The following CDK14 variants were observed in gnomAD, a reference collection of about 807,000 sequenced individuals.
CDK14 encodes the protein cyclin-dependent kinase 14.
In CDK14, 34 loss-of-function variants were observed where a neutral mutation model predicts 60.7. That is an observed-to-expected ratio of 0.56 (90% CI 0.43 to 0.75). The LOEUF (loss-of-function observed/expected upper bound fraction) is 0.75, where lower values mean the gene tolerates loss of function less well. Among genes scored for constraint, CDK14 ranks in the 30% least tolerant of loss-of-function variants. The pLI is 0.00. For synonymous variants in CDK14, 197 were observed against 203.7 expected (o/e 0.97, Z 0.28); for missense variants, 482 against 564.1 (o/e 0.85, Z 1.47).
intron 14 of CDK14, among the ~76,000 whole-genome samples, chr7:91,137,616 GCACA>G (rs57544816): frequency 3.0e-3 from 450 of 151,866 alleles, no homozygotes; most frequent in Non-Finnish European, 5.1e-3. Context: ...CATGCACTGT[GCACA>G]CACACACGCA....
rs138818659 is a variant in CDK14, at chr7:91,185,118, C to T, written c.*29-22047C>T. Among the ~76,000 whole-genome samples, 1,014 of 144,782 alleles carry T rather than the reference C, an allele frequency of 7.0e-3. 4 individuals carry two copies. Among genetic ancestry groups the T allele is most frequent in the Admixed American group, 0.012 (165 of 14,202 alleles). The allele number at this position is 144,782 out of a possible 152,430, so 95.0% of individuals were successfully genotyped here. A position where few individuals can be genotyped will look rare whatever the true frequency, so the allele number is the denominator to read the frequency against. The stretch of plus-strand genomic sequence containing the variant: ...CTGTTTATTGAGTATCTCGTATGTC[C>T]CAGACATAATTCTAGACCCGGGGGA... On this transcript the variant is annotated intron_variant, in intron 14 of 14. Transcript: ENST00000380050.
At chr7:91,203,659 A>G (rs1374492742) in intron 14 of CDK14, among the ~76,000 whole-genome samples, 1 of 152,208 alleles carries the variant, frequency 6.6e-6, no homozygotes, top group African/African-American at 2.4e-5. Context: ...TAAAGCTCCC[A>G]TTTAGCTGGA....
intron 14 of CDK14, among the ~76,000 whole-genome samples, chr7:91,185,770 A>C (rs1802157698): frequency 6.6e-6 from 1 of 151,790 alleles, no homozygotes; most frequent in African/African-American, 2.4e-5. Flanking sequence ...TAAATACTTT[A>C]AGTTTAAAGC....
chr7:90,683,009 C>T (rs930613907), intron 2 of CDK14, among the ~76,000 whole-genome samples: 8 of 152,066 alleles, frequency 5.3e-5, no homozygotes, highest in African/African-American at 1.7e-4. Context: ...AGGTGTTAGT[C>T]GATTTCTTTA....
chr7:90,998,151 G>A (rs987705839), intron 10 of CDK14, among the ~76,000 whole-genome samples: 5 of 152,116 alleles, frequency 3.3e-5, no homozygotes, highest in African/African-American at 1.2e-4. Flanking sequence ...TAACTTGAAT[G>A]ACATTTTAAC....
intron 14 of CDK14, among the ~76,000 whole-genome samples, chr7:91,175,874 C>T (rs1801728330): frequency 1.4e-5 from 2 of 146,058 alleles, no homozygotes; most frequent in East Asian, 4.0e-4. Flanking sequence ...ACTTTAACAC[C>T]CCACTGTCAA....
chr7:90,706,302 G>C (rs1801893558), intron 2 of CDK14, among the ~76,000 whole-genome samples: 1 of 152,068 alleles, frequency 6.6e-6, no homozygotes, highest in Non-Finnish European at 1.5e-5. Flanking sequence ...AGTCAGACTT[G>C]GTGTCTACAT....
intron 8 of CDK14, among the ~76,000 whole-genome samples, chr7:90,921,284 T>A (rs904552503): frequency 6.6e-6 from 1 of 152,156 alleles, no homozygotes; most frequent in African/African-American, 2.4e-5. Flanking sequence ...TTGCTTGGGA[T>A]GCTCGTCCTT....
intron 4 of CDK14, among the ~76,000 whole-genome samples, chr7:90,765,693 G>A (rs181917970): frequency 6.6e-6 from 1 of 151,660 alleles, no homozygotes; most frequent in African/African-American, 2.4e-5. Flanking sequence ...AAAAAATGTA[G>A]GGTAAAATAC....
At chr7:90,952,243 C>T (rs1028545453) in intron 8 of CDK14, among the ~76,000 whole-genome samples, 11 of 152,160 alleles carry the variant, frequency 7.2e-5, no homozygotes, top group East Asian at 1.9e-4. Flanking sequence ...GGGAAAATGT[C>T]GGGAGCACTG....
At chr7:90,713,892 A>G (rs1170357734) in intron 2 of CDK14, among the ~76,000 whole-genome samples, 1 of 152,082 alleles carries the variant, frequency 6.6e-6, no homozygotes, top group African/African-American at 2.4e-5. Flanking sequence ...AAATTGAGAT[A>G]ATACTAGTCA....
chr7:90,922,423 T>G (rs1793279955), intron 8 of CDK14, among the ~76,000 whole-genome samples: 1 of 148,682 alleles, frequency 6.7e-6, no homozygotes, highest in Non-Finnish European at 1.5e-5. Context: ...AAAGAAAGGG[T>G]TTTTTTTTTC....
intron 4 of CDK14, among the ~76,000 whole-genome samples, chr7:90,788,747 A>G (rs1805705192): frequency 6.6e-6 from 1 of 152,188 alleles, no homozygotes; most frequent in Non-Finnish European, 1.5e-5. Context: ...TGTAGGTTTA[A>G]AAAAGAGACA....
chr7:90,691,518 A>G (rs1166632464), intron 2 of CDK14, among the ~76,000 whole-genome samples: 1 of 152,186 alleles, frequency 6.6e-6, no homozygotes, highest in Admixed American at 6.5e-5. Flanking sequence ...AGTAGTAGGA[A>G]TTTTTCAGAA....
chr7:91,203,193 G>A (rs562326052), intron 14 of CDK14, among the ~76,000 whole-genome samples: 85 of 152,288 alleles, frequency 5.6e-4, no homozygotes, highest in African/African-American at 2.0e-3. Flanking sequence ...GGCTGGTGGT[G>A]TATCTGTGAA....
chr7:90,791,524 G>A (rs758364358), intron 5 of CDK14, among the ~76,000 whole-genome samples: 22 of 152,082 alleles, frequency 1.4e-4, no homozygotes, highest in Non-Finnish European at 2.5e-4. Flanking sequence ...AACTAAATGT[G>A]GTCTGTCACT....
chr7:90,631,011 G>A (rs1799985460), intron 2 of CDK14, among the ~76,000 whole-genome samples: 1 of 151,428 alleles, frequency 6.6e-6, no homozygotes, highest in Admixed American at 6.6e-5. Context: ...TTCTTTCTCT[G>A]CATGCATACC....
chr7:90,669,626 T>A (rs1442654753), intron 2 of CDK14, among the ~76,000 whole-genome samples: 1 of 152,188 alleles, frequency 6.6e-6, no homozygotes, highest in Non-Finnish European at 1.5e-5. Context: ...TTCTTAACTA[T>A]CAATTAAACA....
intron 14 of CDK14, among the ~76,000 whole-genome samples, chr7:91,164,972 G>A (rs1361799184): frequency 6.6e-6 from 1 of 152,170 alleles, no homozygotes. Context: ...ATAGAGTGAA[G>A]GAGATATTTT....
Sources: allele counts gnomAD v4.1 joint callset (sites outside exome capture counted in the v4.1 genomes callset), GRCh38; gene constraint gnomAD v4.1.1; transcripts MANE v1.5; gene names NCBI Gene and HGNC (gene_info 2026-07-23, HGNC 2026-07-21).